Variants in VPS13B observed in about 807,000 individuals in gnomAD.
VPS13B encodes intermembrane lipid transfer protein VPS13B.
A neutral mutation model predicts 426.4 loss-of-function variants in VPS13B; 285 were observed. The ratio of observed to expected loss-of-function variants is 0.67; its 90% confidence interval spans 0.61 to 0.74. The LOEUF (loss-of-function observed/expected upper bound fraction) is 0.74, where lower values mean the gene tolerates loss of function less well. Among genes scored for constraint, VPS13B ranks in the 30% least tolerant of loss-of-function variants. The pLI is 0.00. For synonymous variants in VPS13B, 1,676 were observed against 1,676.4 expected (o/e 1.00, Z 0.01); for missense variants, 4,537 against 4,782.6 (o/e 0.95, Z 1.51).
chr8:99,391,840 A>G, intron 21 of VPS13B, 136 bp downstream of exon 21: 1 of 1,182,346 alleles, frequency 8.5e-7, no homozygotes, highest in Non-Finnish European at 1.2e-6. Context: ...ATTATCCACA[A>G]CATTAGCAAT....
intron 10 of VPS13B, 109 bp downstream of exon 10, chr8:99,135,246 G>T: frequency 6.9e-7 from 1 of 1,452,222 alleles, no homozygotes; most frequent in Admixed American, 2.0e-5. Context: ...TCTCAGGCTT[G>T]AGAGAGGAGC....
chr8:99,031,866 G>A (rs536344853), intron 2 of VPS13B, among the ~76,000 whole-genome samples: 1 of 152,336 alleles, frequency 6.6e-6, no homozygotes, highest in African/African-American at 2.4e-5. Context: ...CCCCAAGGCA[G>A]AATGCACTCC....
At chr8:99,872,152 G>T (rs937078260) in intron 61 of VPS13B, among the ~76,000 whole-genome samples, 2 of 152,180 alleles carry the variant, frequency 1.3e-5, no homozygotes, top group African/African-American at 4.8e-5. Context: ...GTCCTTGGCT[G>T]CCTGAGGCCT....
chr8:99,311,767 G>A (rs1820989592), intron 19 of VPS13B, among the ~76,000 whole-genome samples: 1 of 152,072 alleles, frequency 6.6e-6, no homozygotes, highest in South Asian at 2.1e-4. Context: ...GTTGATAGTG[G>A]GGTGTTATAG....
At chr8:99,757,749 A>T (rs1305741606) in intron 39 of VPS13B, among the ~76,000 whole-genome samples, 1 of 152,242 alleles carries the variant, frequency 6.6e-6, no homozygotes, top group Non-Finnish European at 1.5e-5. Flanking sequence ...GCTCTTACCA[A>T]CTGGCAGATA....
At chr8:99,357,146 A>T (rs1354548043) in intron 19 of VPS13B, among the ~76,000 whole-genome samples, 2 of 152,174 alleles carry the variant, frequency 1.3e-5, no homozygotes, top group East Asian at 3.9e-4. Context: ...CTGCATCTGT[A>T]TTTTCATGCA....
At chr8:99,772,623 C>T (rs945729946) in intron 40 of VPS13B, among the ~76,000 whole-genome samples, 1 of 152,080 alleles carries the variant, frequency 6.6e-6, no homozygotes. Flanking sequence ...AAATTTTATG[C>T]TATATAAGTT....
At chr8:99,377,079 T>A (rs1382814973) in intron 19 of VPS13B, among the ~76,000 whole-genome samples, 1 of 152,108 alleles carries the variant, frequency 6.6e-6, no homozygotes, top group East Asian at 1.9e-4. Flanking sequence ...TTTCCTTAGG[T>A]GATCTGTCTT....
At chr8:99,277,589 ATAT>A (rs1266664570) in intron 19 of VPS13B, among the ~76,000 whole-genome samples, 7 of 152,206 alleles carry the variant, frequency 4.6e-5, no homozygotes, top group Non-Finnish European at 1.0e-4. Context: ...CTTTACAAAA[ATAT>A]TATACTTTCA....
At chr8:99,486,329 G>A (rs898546221) in intron 25 of VPS13B, among the ~76,000 whole-genome samples, 1 of 151,930 alleles carries the variant, frequency 6.6e-6, no homozygotes, top group Admixed American at 6.6e-5. Context: ...AGTTTCAAGC[G>A]ATTCTCCTGC....
chr8:99,623,670 G>T (rs1828465423), intron 33 of VPS13B, among the ~76,000 whole-genome samples: 1 of 152,136 alleles, frequency 6.6e-6, no homozygotes, highest in Non-Finnish European at 1.5e-5. Context: ...GCCTTATGTG[G>T]TAAAACTACA....
In VPS13B at chr8:99,328,380, T is replaced by A. The variant is rs536828170; in HGVS notation, c.2824+53126T>A. ...CTCAATTGTGGGAGTTTTAAAAAAATTCTGTGGGAACTATTACTTTTGTGT... is the reference window on the plus strand; with the variant it reads ...CTCAATTGTGGGAGTTTTAAAAAAAATCTGTGGGAACTATTACTTTTGTGT... On this transcript the variant is annotated intron_variant, in intron 19 of 61. Transcript: ENST00000357162. Among the ~76,000 whole-genome samples the A allele has an allele frequency of 1.2e-3, 190 of 152,278 alleles. 2 individuals carry two copies. The highest frequency in any genetic ancestry group is 4.3e-3 in the African/African-American group (179 of 41,564).
intron 36 of VPS13B, among the ~76,000 whole-genome samples, chr8:99,714,167 A>G (rs972425887): frequency 4.6e-5 from 7 of 151,740 alleles, no homozygotes; most frequent in African/African-American, 1.7e-4. Flanking sequence ...AGACAGGCAT[A>G]TACTAAAAGG....
chr8:99,049,866 C>T (rs1843433809), intron 3 of VPS13B, among the ~76,000 whole-genome samples: 1 of 151,748 alleles, frequency 6.6e-6, no homozygotes, highest in African/African-American at 2.4e-5. Flanking sequence ...TTCATATTTT[C>T]TTATTCTTTT....
In VPS13B at chr8:99,835,198, G is replaced by T. The variant is rs1214864810; in HGVS notation, c.9616G>T (p.Ala3206Ser). The T allele has an allele frequency of 3.1e-6, 5 of 1,613,754 alleles. No individual in the cohort carries two copies. Among genetic ancestry groups the T allele is most frequent in the Admixed American group, 1.7e-5 (1 of 60,004 alleles). ...NFRENGFCTR[A>S]IVLTYQEHLG... ...TCATTTGACTTGATTCTCTTCCAGG[G>T]CTATAGTGCTGACATATCAAGAACA... is the stretch of plus-strand genomic sequence containing the variant. The change falls in exon 53 of 62, where the codon GCT becomes TCT. Residue 3206 changes from alanine (A) to serine (S), a missense_variant and splice_region_variant. Ala to Ser is a moderately conservative substitution (Grantham distance 99). Transcript: ENST00000357162.
intron 17 of VPS13B, among the ~76,000 whole-genome samples, chr8:99,203,492 A>C (rs1305151985): frequency 6.6e-6 from 1 of 152,166 alleles, no homozygotes; most frequent in East Asian, 1.9e-4. Flanking sequence ...TATTCAACAT[A>C]GTATTGGAAG....
intron 58 of VPS13B, among the ~76,000 whole-genome samples, chr8:99,865,620 A>G: frequency 6.6e-6 from 1 of 152,186 alleles, no homozygotes; most frequent in Non-Finnish European, 1.5e-5. Context: ...TATTATAGTC[A>G]GTGCGGAATT....
chr8:99,204,211 T>G (rs952307530), intron 17 of VPS13B, among the ~76,000 whole-genome samples: 3 of 152,176 alleles, frequency 2.0e-5, no homozygotes, highest in Non-Finnish European at 4.4e-5. Flanking sequence ...ACCACACATC[T>G]ACAACCATCT....
chr8:99,444,484 CTTAATA>C (rs1460884165), intron 23 of VPS13B, among the ~76,000 whole-genome samples: 3 of 152,050 alleles, frequency 2.0e-5, no homozygotes, highest in African/African-American at 7.2e-5. Flanking sequence ...AAATACACAT[CTTAATA>C]TTTATAAAAC....
Sources: allele counts gnomAD v4.1 joint callset (sites outside exome capture counted in the v4.1 genomes callset), GRCh38; gene constraint gnomAD v4.1.1; transcripts MANE v1.5; gene names NCBI Gene and HGNC (gene_info 2026-07-23, HGNC 2026-07-21).